Variants in BBOX1 observed in about 807,000 individuals in gnomAD.
The protein encoded by BBOX1 is gamma-butyrobetaine dioxygenase.
BBOX1 carries 35 observed loss-of-function variants against 41.6 expected under a neutral mutation model. The ratio of observed to expected loss-of-function variants is 0.84; its 90% CI spans 0.64 to 1.11. The LOEUF is 1.11. Among genes scored for constraint, BBOX1 ranks in the 50% most tolerant of loss-of-function variants. The pLI is 0.00. For synonymous variants in BBOX1, 163 were observed against 154.7 expected (o/e 1.05, Z -0.40); for missense variants, 458 against 460.6 (o/e 0.99, Z 0.05).
chr11:27,102,438 C>T (rs1858696591), intron 5 of BBOX1, among the ~76,000 whole-genome samples: 1 of 152,040 alleles, frequency 6.6e-6, no homozygotes, highest in Admixed American at 6.6e-5. Context: ...CCAGCCACCC[C>T]AAAACCCATT....
At chr11:27,073,106 C>A (rs929471551) in intron 4 of BBOX1, among the ~76,000 whole-genome samples, 1 of 152,092 alleles carries the variant, frequency 6.6e-6, no homozygotes, top group African/African-American at 2.4e-5. Flanking sequence ...GCAAAAGAAA[C>A]TACCATCAGA....
chr11:27,110,256 G>C (rs1458484797), intron 5 of BBOX1, among the ~76,000 whole-genome samples: 1 of 151,816 alleles, frequency 6.6e-6, no homozygotes, highest in African/African-American at 2.4e-5. Context: ...CTTTTTCCCA[G>C]TACCATCTAC....
At chr11:27,048,347 C>T (rs1403786528) in intron 2 of BBOX1, among the ~76,000 whole-genome samples, 3 of 152,024 alleles carry the variant, frequency 2.0e-5, no homozygotes, top group African/African-American at 7.2e-5. Flanking sequence ...TAAGTGATAT[C>T]ATATTGCATT....
At chr11:27,083,884 G>A (rs993280638) in intron 4 of BBOX1, among the ~76,000 whole-genome samples, 1 of 152,124 alleles carries the variant, frequency 6.6e-6, no homozygotes, top group African/African-American at 2.4e-5. Flanking sequence ...AGGTGCTGGA[G>A]GGCCAGAGAA....
At chr11:27,097,186 T>G (rs1412893047) in intron 5 of BBOX1, among the ~76,000 whole-genome samples, 1 of 132,294 alleles carries the variant, frequency 7.6e-6, no homozygotes, top group African/African-American at 3.7e-5. Flanking sequence ...TTTTACAGAC[T>G]AGGCCAAAAT....
intron 4 of BBOX1, among the ~76,000 whole-genome samples, chr11:27,076,691 T>C (rs1460086738): frequency 2.0e-5 from 3 of 152,070 alleles, no homozygotes; most frequent in Admixed American, 6.6e-5. Context: ...CAAAGCCAGG[T>C]AGGGGCTGGG....
chr11:27,125,285 A>T (rs1057101364), intron 7 of BBOX1, among the ~76,000 whole-genome samples: 2 of 152,190 alleles, frequency 1.3e-5, no homozygotes, highest in East Asian at 1.9e-4. Context: ...TAATAAATGA[A>T]ACACATAGAA....
intron 4 of BBOX1, among the ~76,000 whole-genome samples, chr11:27,075,375 T>C (rs1857599154): frequency 6.6e-6 from 1 of 152,168 alleles, no homozygotes; most frequent in Non-Finnish European, 1.5e-5. Context: ...CATTCCCCAA[T>C]GGTATGCACA....
At position 27,095,943 on chromosome 11, in the gene BBOX1, C is replaced by T. The variant is rs565610077; in HGVS notation, c.533+2577C>T. Among the ~76,000 whole-genome samples the T allele has an allele frequency of 3.3e-5, 5 of 151,968 alleles. No individual in the cohort carries two copies. In the East Asian group the frequency reaches 9.7e-4, roughly 29 times the overall value. Reference sequence around the variant, plus strand: ...AACCTAAGCTGCTTATTGGAATAGCCAATTTAAAAAATACTGACATCTGCA... The same window carrying T: ...AACCTAAGCTGCTTATTGGAATAGCTAATTTAAAAAATACTGACATCTGCA... On this transcript the variant is annotated intron_variant, in intron 5 of 8. Coordinates refer to ENST00000263182, the MANE Select transcript of BBOX1 (RefSeq NM_003986.3).
intron 4 of BBOX1, among the ~76,000 whole-genome samples, chr11:27,079,884 T>C (rs911059782): frequency 1.3e-5 from 2 of 152,090 alleles, no homozygotes; most frequent in African/African-American, 4.8e-5. Context: ...TCATCCAACT[T>C]ATTAGAAAGT....
At chr11:27,054,234 TGC>T (rs1554935077) in intron 2 of BBOX1, among the ~76,000 whole-genome samples, 4 of 148,186 alleles carry the variant, frequency 2.7e-5, no homozygotes, top group African/African-American at 7.5e-5. Context: ...TGTGTGTGTG[TGC>T]GTGCACATGT....
intron 4 of BBOX1, among the ~76,000 whole-genome samples, chr11:27,067,160 A>T (rs900192856): frequency 6.6e-5 from 10 of 152,184 alleles, no homozygotes; most frequent in Non-Finnish European, 1.3e-4. Context: ...AAGTGGTTGT[A>T]AGTAATTATA....
At chr11:27,110,428 G>A (rs1015890080) in intron 5 of BBOX1, among the ~76,000 whole-genome samples, 1 of 152,092 alleles carries the variant, frequency 6.6e-6, no homozygotes, top group Middle Eastern at 3.4e-3. Flanking sequence ...CTGTGCATCT[G>A]ATGCATTTCC....
At chr11:27,074,224 C>T (rs11602261) in intron 4 of BBOX1, among the ~76,000 whole-genome samples, 23,894 of 151,878 alleles carry the variant, frequency 0.16, 2,201 homozygotes, top group Middle Eastern at 0.25. Context: ...CAATTAAACC[C>T]GCTTTCCTTC....
chr11:27,091,216 A>C (rs1324285710), intron 4 of BBOX1, among the ~76,000 whole-genome samples: 1 of 151,830 alleles, frequency 6.6e-6, no homozygotes, highest in Non-Finnish European at 1.5e-5. Context: ...GCAACAGACA[A>C]CTTCTTGGTA....
chr11:27,099,543 A>G (rs556904945), intron 5 of BBOX1, among the ~76,000 whole-genome samples: 2 of 152,226 alleles, frequency 1.3e-5, no homozygotes, highest in African/African-American at 4.8e-5. Context: ...ATAGTAGAAA[A>G]TATAAATAAA....
intron 4 of BBOX1, chr11:27,057,553 T>C (rs1857023617): frequency 7.1e-6 from 3 of 422,436 alleles, no homozygotes; most frequent in Non-Finnish European, 1.3e-5. Flanking sequence ...AGCAAACTTG[T>C]GTCTTTGTCA....
intron 4 of BBOX1, among the ~76,000 whole-genome samples, chr11:27,060,685 C>T (rs1016000873): frequency 5.3e-5 from 8 of 152,172 alleles, no homozygotes; most frequent in Non-Finnish European, 8.8e-5. Context: ...AATAGGTTCA[C>T]CATTTCTTCT....
At chr11:27,083,363 G>A (rs570958866) in intron 4 of BBOX1, among the ~76,000 whole-genome samples, 2 of 152,158 alleles carry the variant, frequency 1.3e-5, no homozygotes, top group East Asian at 1.9e-4. Flanking sequence ...ACAATCTAGC[G>A]GAAGAGACAG....
Sources: gnomAD v4.1 joint callset for allele counts (sites outside exome capture counted in the v4.1 genomes callset) on GRCh38, gnomAD v4.1.1 for gene constraint, MANE v1.5 for transcripts, NCBI Gene and HGNC (gene_info 2026-07-23, HGNC 2026-07-21) for gene names.